RNF182: variants seen among roughly 807,000 people sequenced by gnomAD.
RNF182 encodes ring finger protein 182, also known as E3 ubiquitin-protein ligase RNF182.
RNF182 carries 15 observed loss-of-function variants against 14.4 expected under a neutral mutation model. The ratio of observed to expected loss-of-function variants is 1.04; its 90% CI spans 0.70 to 1.60. The LOEUF (loss-of-function observed/expected upper bound fraction) is 1.60. Ranked by LOEUF, RNF182 falls within the 40% of genes most tolerant of loss-of-function variation. The probability of loss-of-function intolerance (pLI) is 0.00; values close to 1 mark genes in which losing one functional copy is unlikely to be tolerated. For synonymous variants in RNF182, 128 were observed against 122.9 expected, an observed-to-expected ratio of 1.04 and a Z score of -0.27; for missense variants, 268 against 294.8, an observed-to-expected ratio of 0.91 and a Z score of 0.67.
chr6:13,942,720 T>C (rs1210359412), intron 1 of RNF182, among the ~76,000 whole-genome samples: 3 of 152,200 alleles, frequency 2.0e-5, no homozygotes, highest in Admixed American at 6.5e-5. Context: ...CTCCTAGAAG[T>C]ACAATTTTAT....
intron 1 of RNF182, among the ~76,000 whole-genome samples, chr6:13,965,023 A>T (rs1180731862): frequency 2.6e-5 from 4 of 152,148 alleles, no homozygotes; most frequent in Non-Finnish European, 1.5e-5. Flanking sequence ...AAATATTGGC[A>T]CTGTAGCCAA....
chr6:13,958,324 TGCA>T (rs1023559610), intron 1 of RNF182, among the ~76,000 whole-genome samples: 24 of 152,020 alleles, frequency 1.6e-4, no homozygotes, highest in Admixed American at 1.6e-3. Flanking sequence ...AGAGGGAGGT[TGCA>T]GTGAGCCGAG....
At chr6:13,950,578 A>G (rs1759562669) in intron 1 of RNF182, among the ~76,000 whole-genome samples, 1 of 146,462 alleles carries the variant, frequency 6.8e-6, no homozygotes, top group Non-Finnish European at 1.5e-5. Context: ...GCTCCCTGCA[A>G]CCTCCATCTC....
At chr6:13,927,387 A>G (rs1188919328) in intron 1 of RNF182, among the ~76,000 whole-genome samples, 1 of 152,242 alleles carries the variant, frequency 6.6e-6, no homozygotes, top group African/African-American at 2.4e-5. Context: ...CCCCAGGTGT[A>G]AAATACTAGT....
Position 13,925,590 on chromosome 6 carries a change from C to G in RNF182, c.-367+567C>G, listed in dbSNP as rs180835593. Among the ~76,000 whole-genome samples the G allele has an allele frequency of 3.2e-4, 49 of 152,236 alleles. 1 individual carries two copies. The highest frequency in any genetic ancestry group is 1.0e-3 in the African/African-American group (43 of 41,532). The stretch of plus-strand genomic sequence containing the variant: ...TTGGAAGGTGCAGTTGCACCTATAA[C>G]TGGATGGTAAGGGTAGCCCGGCTTT... On this transcript the variant is annotated intron_variant, in intron 1 of 2. Transcript: ENST00000488300.
At chr6:13,973,272 C>G (rs1760240251) in intron 1 of RNF182, among the ~76,000 whole-genome samples, 2 of 152,326 alleles carry the variant, frequency 1.3e-5, no homozygotes, top group South Asian at 4.1e-4. Context: ...TTTACAGGCT[C>G]ATAGGCAGAT....
At chr6:13,953,782 A>G (rs1031895131) in intron 1 of RNF182, among the ~76,000 whole-genome samples, 3 of 152,164 alleles carry the variant, frequency 2.0e-5, no homozygotes, top group Admixed American at 6.5e-5. Context: ...TTGACCATCA[A>G]GCGTGGTAAT....
intron 1 of RNF182, among the ~76,000 whole-genome samples, chr6:13,938,736 C>A: frequency 6.6e-6 from 1 of 152,106 alleles, no homozygotes; most frequent in South Asian, 2.1e-4. Flanking sequence ...GCATTCTTTT[C>A]ATAAAAATAA....
rs1354140777 is a variant in RNF182 at position 13,956,547 on chromosome 6, A to G, written c.-366-17663A>G. Among the ~76,000 whole-genome samples the G allele has an allele frequency of 3.3e-5, 5 of 151,034 alleles. No individual in the cohort carries two copies. In the East Asian group the frequency reaches 5.9e-4, roughly 18 times the overall value. ...ACCGTGTTGGCCAGGTTGGTCTCAA[A>G]CTCCTGACCTCAGGTGATCCACCCG... On this transcript the variant is annotated intron_variant, in intron 1 of 2. Transcript: ENST00000488300.
intron 1 of RNF182, among the ~76,000 whole-genome samples, chr6:13,967,943 C>G (rs1246355876): frequency 6.6e-6 from 1 of 152,044 alleles, no homozygotes; most frequent in African/African-American, 2.4e-5. Flanking sequence ...CAATCTATTC[C>G]ACAAGCTATG....
chr6:13,925,014 C>T lies in RNF182; in HGVS notation c.-376C>T, dbSNP rs1439601980. The T allele has an allele frequency of 7.5e-4, 3 of 3,986 alleles. No individual in the cohort carries two copies. The highest frequency in any genetic ancestry group is 5.4e-3 in the African/African-American group (2 of 370). The allele number at this position is 3,986 out of a possible 1,614,324, so 0.2% of individuals were successfully genotyped here. The stretch of plus-strand genomic sequence containing the variant: ...GAGCGGCTCCCGGGCCCTGGGCCGC[C>T]GCCGGCCAGGTAAGGCGATCGCGCC... On this transcript the variant is annotated 5_prime_UTR_variant, in exon 1 of 3. Transcript: ENST00000488300.
chr6:13,941,458 G>A lies in RNF182; in HGVS notation c.-367+16435G>A, dbSNP rs528166627. On this transcript the variant is annotated intron_variant, in intron 1 of 2. Transcript: ENST00000488300. The stretch of plus-strand genomic sequence containing the variant: ...TTTTTAGTTGTTTCTTTTATAAGCC[G>A]CATATAGCTGGCTTTTGTTTACTTA... Among the ~76,000 whole-genome samples, 328 of 152,008 alleles carry A rather than the reference G, an allele frequency of 2.2e-3. 2 individuals carry two copies. Among genetic ancestry groups the A allele is most frequent in the African/African-American group, 7.2e-3 (298 of 41,476 alleles).
intron 1 of RNF182, among the ~76,000 whole-genome samples, chr6:13,964,646 T>C (rs1759971955): frequency 6.6e-6 from 1 of 152,006 alleles, no homozygotes; most frequent in African/African-American, 2.4e-5. Context: ...GGGGAGCAGA[T>C]GGGGGATTCC....
intron 1 of RNF182, among the ~76,000 whole-genome samples, chr6:13,964,036 A>G (rs1759949646): frequency 6.6e-6 from 1 of 152,120 alleles, no homozygotes; most frequent in South Asian, 2.1e-4. Context: ...CCAAACAGCA[A>G]AGACTCAAGA....
chr6:13,962,312 G>A (rs1372370521), intron 1 of RNF182, among the ~76,000 whole-genome samples: 1 of 152,200 alleles, frequency 6.6e-6, no homozygotes, highest in Non-Finnish European at 1.5e-5. Flanking sequence ...TTTTGTGAAT[G>A]AGCAATTGGG....
At chr6:13,961,522 A>T (rs1001116112) in intron 1 of RNF182, 38 of 152,202 alleles carry the variant, frequency 2.5e-4, no homozygotes, top group African/African-American at 9.2e-4. Flanking sequence ...GCACTTCCAG[A>T]GTCTTGAAGA....
At chr6:13,947,120 A>G (rs1759457599) in intron 1 of RNF182, among the ~76,000 whole-genome samples, 1 of 152,204 alleles carries the variant, frequency 6.6e-6, no homozygotes, top group Admixed American at 6.5e-5. Flanking sequence ...TGGGGTCGCT[A>G]GCTGATTTCA....
rs1426878057 is a variant in RNF182 at position 13,976,199 on chromosome 6, G to T, written c.-211-710G>T. Among the ~76,000 whole-genome samples the T allele has an allele frequency of 2.6e-5, 4 of 152,184 alleles. No homozygotes were observed. In the East Asian group the frequency reaches 7.7e-4, roughly 29 times the overall value. On this transcript the variant is annotated intron_variant, in intron 2 of 2. Transcript: ENST00000488300. ...TATCTGTGTTTACTTCTCTTTCTTGGGACTTAGACTTGACTTGTTCATAAT... is the reference window on the plus strand; with the variant it reads ...TATCTGTGTTTACTTCTCTTTCTTGTGACTTAGACTTGACTTGTTCATAAT...
chr6:13,974,126 G>T (rs1369859405), intron 1 of RNF182, 84 bp from the exon 2 acceptor site: 1 of 152,030 alleles, frequency 6.6e-6, no homozygotes, highest in Non-Finnish European at 1.5e-5. Flanking sequence ...TAAGATAGAT[G>T]AAACTTTTTT....
Sources: gnomAD v4.1 joint callset for allele counts (sites outside exome capture counted in the v4.1 genomes callset) on GRCh38, gnomAD v4.1.1 for gene constraint, MANE v1.5 for transcripts, NCBI Gene and HGNC (gene_info 2026-07-23, HGNC 2026-07-21) for gene names.